The following LARS1 variants were observed in gnomAD, a reference collection of about 807,000 sequenced individuals.
LARS1 encodes the protein leucyl-tRNA synthetase 1, also known as leucine--tRNA ligase, cytoplasmic.
Under a neutral mutation model 162.8 loss-of-function variants are expected in LARS1, and 100 were observed. That is an observed-to-expected ratio of 0.61 (90% confidence interval 0.52 to 0.73). The LOEUF is 0.73. Ranked by LOEUF, LARS1 falls within the 30% of genes least tolerant of loss-of-function variation. The pLI is 0.00. For missense variants in LARS1, 1,258 were observed against 1,408.9 expected (o/e 0.89, Z 1.71); for synonymous variants, 457 against 462.8 (o/e 0.99, Z 0.16).
intron 20 of LARS1, among the ~76,000 whole-genome samples, chr5:146,141,730 A>T (rs1207784430): frequency 6.6e-6 from 1 of 152,192 alleles, no homozygotes; most frequent in Non-Finnish European, 1.5e-5. Flanking sequence ...TGCGAAGTTG[A>T]GACTGCAGTG....
rs564552784 is a variant in LARS1, at chr5:146,154,455, G to A, written c.1066-475C>T. ...GTATATATATTTCAAAACATATTGC[G>A]TACCATAAATACAATTTCTGTCAAT... On this transcript the variant is annotated intron_variant, in intron 10 of 31. Transcript: ENST00000394434. Among the ~76,000 whole-genome samples the A allele has an allele frequency of 5.9e-5, 9 of 152,296 alleles. No individual in the cohort carries two copies. In the South Asian group the frequency reaches 1.9e-3, roughly 32 times the overall value.
chr5:146,178,451 TA>T (rs1754693992), intron 1 of LARS1, among the ~76,000 whole-genome samples: 1 of 151,634 alleles, frequency 6.6e-6, no homozygotes, highest in Non-Finnish European at 1.5e-5. Flanking sequence ...CCATCTCTAC[TA>T]AAAATACAAA....
At chr5:146,175,091 C>T (rs1382782923) in intron 2 of LARS1, among the ~76,000 whole-genome samples, 3 of 151,830 alleles carry the variant, frequency 2.0e-5, no homozygotes, top group Non-Finnish European at 2.9e-5. Context: ...TGGTGGCGTG[C>T]GCCTACAGTC....
At chr5:146,165,789 A>G (rs548877205) in intron 5 of LARS1, among the ~76,000 whole-genome samples, 1 of 152,310 alleles carries the variant, frequency 6.6e-6, no homozygotes, top group South Asian at 2.1e-4. Context: ...TGTTTCTCCC[A>G]GGGGTATAGG....
At chr5:146,143,641 A>G in intron 18 of LARS1, 91 bp from the exon 19 acceptor site, 1 of 1,166,044 alleles carries the variant, frequency 8.6e-7, no homozygotes, top group Non-Finnish European at 1.2e-6. Flanking sequence ...ACATTTACAA[A>G]GCTACTTATT....
Position 146,157,487 on chromosome 5 carries a change from G to T in LARS1, c.981C>A (p.Thr327=). 6.2e-7 allele frequency: 1 copy of T among 1,613,752 alleles called. No homozygotes were observed. The highest frequency in any genetic ancestry group is 1.1e-5 in the South Asian group (1 of 91,048). ...ETVNGDIFIC[T]QKAARNMSYQ... is the part of the protein sequence containing the mutation. The stretch of plus-strand genomic sequence containing the variant: ...ATGACATATTCCTGGCTGCTTTTTG[G>T]GTACAGATGAATATATCACCATTCA... Residue 327 remains threonine (T), a synonymous_variant, in exon 10 of 32, where the codon ACC becomes ACA. Transcript: ENST00000394434.
intron 29 of LARS1, among the ~76,000 whole-genome samples, chr5:146,123,693 G>A (rs1751925587): frequency 6.6e-6 from 1 of 151,666 alleles, no homozygotes; most frequent in Non-Finnish European, 1.5e-5. Flanking sequence ...TGAATATAAG[G>A]TCTCTTAAAA....
In LARS1 at chr5:146,120,276, C is replaced by A; in HGVS notation, c.3325+95G>T. 2.3e-6 allele frequency: 3 copies of A among 1,299,326 alleles called. No homozygotes were observed. In the South Asian group the frequency reaches 3.8e-5, roughly 16 times the overall value. The allele number at this position is 1,299,326 out of a possible 1,614,324, so 80.5% of individuals were successfully genotyped here. ...TTTTCCATAATAATACACAGCTGTC[C>A]ATAAGCAAGCCGGTTTCTTTTCTTT... On this transcript the variant is annotated intron_variant, in intron 31 of 31. Transcript: ENST00000394434.
At chr5:146,179,332 T>G (rs1393671110) in intron 1 of LARS1, among the ~76,000 whole-genome samples, 1 of 149,500 alleles carries the variant, frequency 6.7e-6, no homozygotes, top group African/African-American at 2.6e-5. Flanking sequence ...TGGCTAATTT[T>G]TGTATTTTTA....
At position 146,113,799 on chromosome 5, in the gene LARS1, A is replaced by C. The variant is rs1027889941; in HGVS notation, c.*307T>G. ...AAGTATAAAGTACACCTCATAAAAG[A>C]AGCATACTGACACTTTTATGTTCAT... On this transcript the variant is annotated 3_prime_UTR_variant, in exon 32 of 32. Transcript: ENST00000394434. The C allele has an allele frequency of 1.3e-5, 4 of 314,772 alleles. No homozygotes were observed. The Admixed American group carries it at 1.4e-4, about 11-fold the overall frequency. The allele number at this position is 314,772 out of a possible 1,614,324, so 19.5% of individuals were successfully genotyped here.
chr5:146,130,999 C>G lies in LARS1; in HGVS notation c.2487+20G>C, dbSNP rs200080099. On this transcript the variant is annotated intron_variant, in intron 24 of 31. Coordinates refer to ENST00000394434, the MANE Select transcript of LARS1 (RefSeq NM_020117.11). ...TCACATTGACATGTTTTATAGCTAC[C>G]AAAAGAATCAACAGCCTACCTGAAA... 200 of 1,406,378 alleles carry G rather than the reference C, an allele frequency of 1.4e-4. No homozygotes were observed. The highest frequency in any genetic ancestry group is 2.0e-4 in the Non-Finnish European group (198 of 1,011,898). 87.1% of individuals were successfully genotyped at this position (1,406,378 alleles called of 1,614,324 possible).
chr5:146,146,760 C>A (rs1753028909), intron 15 of LARS1, among the ~76,000 whole-genome samples: 1 of 151,152 alleles, frequency 6.6e-6, no homozygotes, highest in Non-Finnish European at 1.5e-5. Context: ...GTCGCCCAGA[C>A]TGGAGTGTGG....
chr5:146,145,786 C>G (rs1459480641), intron 15 of LARS1, among the ~76,000 whole-genome samples: 1 of 152,114 alleles, frequency 6.6e-6, no homozygotes, highest in Non-Finnish European at 1.5e-5. Flanking sequence ...AGATTAAAAA[C>G]AGACATTTAA....
In LARS1 at chr5:146,157,366, T is replaced by C. The variant is rs1276102810; in HGVS notation, c.1065+37A>G. 3 of 1,553,120 alleles carry C rather than the reference T, an allele frequency of 1.9e-6. No homozygotes were observed. In the East Asian group the frequency reaches 6.7e-5, roughly 35 times the overall value. ...TCATTGTTGAAATTTTCCTTGAAATTTACGCATTAAAATAAAAAATCTGCT... is the reference window on the plus strand; with the variant it reads ...TCATTGTTGAAATTTTCCTTGAAATCTACGCATTAAAATAAAAAATCTGCT... On this transcript the variant is annotated intron_variant, in intron 10 of 31. Transcript: ENST00000394434.
At chr5:146,167,406 ATTT>A (rs756992676) in intron 5 of LARS1, among the ~76,000 whole-genome samples, 2 of 145,178 alleles carry the variant, frequency 1.4e-5, no homozygotes, top group Non-Finnish European at 3.0e-5. Context: ...CAGAAAGATA[ATTT>A]TTTTTTTTTT....
intron 30 of LARS1, among the ~76,000 whole-genome samples, chr5:146,121,102 G>A (rs1751801919): frequency 6.6e-6 from 1 of 152,100 alleles, no homozygotes; most frequent in South Asian, 2.1e-4. Context: ...TTTGTATAAG[G>A]AATATTTTCA....
intron 31 of LARS1, among the ~76,000 whole-genome samples, chr5:146,118,902 T>C (rs1262822247): frequency 6.6e-6 from 1 of 152,192 alleles, no homozygotes; most frequent in Non-Finnish European, 1.5e-5. Flanking sequence ...AAAATACACC[T>C]ATAAACAACA....
intron 4 of LARS1, among the ~76,000 whole-genome samples, chr5:146,170,945 G>A (rs536437939): frequency 2.0e-5 from 3 of 152,056 alleles, no homozygotes; most frequent in South Asian, 2.1e-4. Flanking sequence ...TGTGCTAAGA[G>A]ACAGAACTAA....
rs776212029 is a variant in LARS1, at chr5:146,131,060, T to C, written c.2446A>G (p.Met816Val). 3 of 1,598,908 alleles carry C rather than the reference T, an allele frequency of 1.9e-6. 1 individual carries two copies. Among genetic ancestry groups the C allele is most frequent in the Non-Finnish European group, 2.6e-6 (3 of 1,170,558 alleles). The part of the protein sequence containing the change: ...IKTDQNYEKM[M>V]FKEALKTGFF... ...CCTGTTTTCAAAGCTTCTTTAAACA[T>C]CATCTTTTCATAGTTTTGATCTGTT... Residue 816 changes from methionine to valine, a missense_variant, in exon 24 of 32, where the codon ATG becomes GTG. Transcript: ENST00000394434.
Sources: gnomAD v4.1 joint callset for allele counts (sites outside exome capture counted in the v4.1 genomes callset) on GRCh38, gnomAD v4.1.1 for gene constraint, MANE v1.5 for transcripts, NCBI Gene and HGNC (gene_info 2026-07-23, HGNC 2026-07-21) for gene names.